Variants in RBFOX1 observed in about 807,000 individuals in gnomAD.
RBFOX1 encodes the protein RNA binding protein fox-1 homolog 1.
In RBFOX1, 8 loss-of-function variants were observed where a neutral mutation model predicts 57.7. The observed-to-expected ratio is 0.14, with a 90% confidence interval of 0.08 to 0.25. The LOEUF is 0.25. Ranked by LOEUF, RBFOX1 falls within the 10% of genes least tolerant of loss-of-function variation. The pLI is 1.00. For missense variants in RBFOX1, 611 were observed against 548.5 expected (o/e 1.11, Z -1.14); for synonymous variants, 326 against 222.4 (o/e 1.47, Z -4.15).
At chr16:7,377,856 C>A (rs2097712848) in intron 4 of RBFOX1, among the ~76,000 whole-genome samples, 1 of 152,008 alleles carries the variant, frequency 6.6e-6, no homozygotes, top group African/African-American at 2.4e-5. Context: ...GTGAAATATG[C>A]CAGGTGATGA....
chr16:6,884,914 CA>C (rs912948953), intron 3 of RBFOX1, among the ~76,000 whole-genome samples: 2 of 152,006 alleles, frequency 1.3e-5, no homozygotes, highest in African/African-American at 4.8e-5. Context: ...ACAAACAAAA[CA>C]AAAAAACCCT....
rs143699393 is a variant in RBFOX1, at chr16:7,027,618, G to C, written c.-15-24439G>C. On this transcript the variant is annotated intron_variant, in intron 3 of 15. Coordinates refer to ENST00000550418, the MANE Select transcript of RBFOX1 (RefSeq NM_018723.4). ...CCCAGCCAGGGAACAAGAATGCATA[G>C]AATTTAATCCCCCAAGCCCAACTTT... is the stretch of plus-strand genomic sequence containing the variant. Among the ~76,000 whole-genome samples, 2 of 152,236 alleles carry C rather than the reference G, an allele frequency of 1.3e-5. 1 individual carries two copies. The highest frequency in any genetic ancestry group is 3.9e-4 in the East Asian group (2 of 5,166).
At chr16:7,554,074 A>C (rs2087502080) in intron 5 of RBFOX1, among the ~76,000 whole-genome samples, 2 of 152,088 alleles carry the variant, frequency 1.3e-5, no homozygotes, top group Admixed American at 6.6e-5. Context: ...GGAACACTGC[A>C]CTCCAGCCTG....
intron 2 of RBFOX1, among the ~76,000 whole-genome samples, chr16:5,572,535 A>G (rs1419578051): frequency 6.6e-6 from 1 of 152,148 alleles, no homozygotes; most frequent in Non-Finnish European, 1.5e-5. Flanking sequence ...TTCCCCAGTC[A>G]TGACAACCAG....
chr16:6,672,764 C>A (rs1270677904), intron 3 of RBFOX1, among the ~76,000 whole-genome samples: 2 of 152,140 alleles, frequency 1.3e-5, no homozygotes, highest in African/African-American at 4.8e-5. Context: ...GTTAGTCATA[C>A]CTTCTACCAA....
At chr16:5,839,835 G>A (rs1296996161) in intron 3 of RBFOX1, among the ~76,000 whole-genome samples, 2 of 152,154 alleles carry the variant, frequency 1.3e-5, no homozygotes, top group African/African-American at 4.8e-5. Context: ...TGCTTTCTGA[G>A]AAGATGCCCT....
intron 3 of RBFOX1, among the ~76,000 whole-genome samples, chr16:5,760,007 TAA>T (rs34698634): frequency 6.3e-5 from 9 of 142,356 alleles, no homozygotes; most frequent in Non-Finnish European, 7.7e-5. Flanking sequence ...CCCACTGGGT[TAA>T]AAAAAAAAAA....
chr16:5,400,382 C>A (rs942489762), intron 1 of RBFOX1, among the ~76,000 whole-genome samples: 7 of 152,098 alleles, frequency 4.6e-5, no homozygotes, highest in Non-Finnish European at 8.8e-5. Context: ...CGTGAGCCAC[C>A]ACACCCGGCC....
chr16:5,420,355 G>A (rs1013960829), intron 1 of RBFOX1, among the ~76,000 whole-genome samples: 17 of 151,434 alleles, frequency 1.1e-4, no homozygotes, highest in East Asian at 2.0e-4. Context: ...AAATAACACC[G>A]AAGGTTTTTA....
intron 3 of RBFOX1, among the ~76,000 whole-genome samples, chr16:6,716,478 A>G (rs1335016912): frequency 6.6e-6 from 1 of 152,130 alleles, no homozygotes; most frequent in Non-Finnish European, 1.5e-5. Context: ...TTTTGGCTAA[A>G]TCTGTTATTA....
chr16:7,441,798 C>A (rs1173693055), intron 4 of RBFOX1, among the ~76,000 whole-genome samples: 1 of 152,298 alleles, frequency 6.6e-6, no homozygotes, highest in Non-Finnish European at 1.5e-5. Flanking sequence ...CAGGTCAACA[C>A]AGACCCTCTT....
intron 1 of RBFOX1, among the ~76,000 whole-genome samples, chr16:5,261,755 T>G (rs56331189): frequency 0.021 from 3,128 of 152,004 alleles, 75 homozygotes; most frequent in East Asian, 0.057. Context: ...TTTCACCGTG[T>G]TAGCCAGGAT....
chr16:5,581,639 G>A (rs1303275053), intron 2 of RBFOX1, among the ~76,000 whole-genome samples: 1 of 152,218 alleles, frequency 6.6e-6, no homozygotes, highest in African/African-American at 2.4e-5. Context: ...TCTGGACTTT[G>A]ACATGAAGGA....
intron 3 of RBFOX1, among the ~76,000 whole-genome samples, chr16:5,854,087 A>G (rs1456065503): frequency 5.3e-5 from 8 of 152,232 alleles, no homozygotes; most frequent in Non-Finnish European, 1.2e-4. Context: ...TTTAAGGTTA[A>G]CAGTATGTTT....
intron 4 of RBFOX1, among the ~76,000 whole-genome samples, chr16:5,995,280 A>G (rs996517714): frequency 4.3e-4 from 65 of 152,228 alleles, no homozygotes; most frequent in Non-Finnish European, 3.2e-4. Flanking sequence ...ACTGCTAAAC[A>G]TAGTTGCACA....
chr16:6,650,985 C>G (rs963700400), intron 2 of RBFOX1, among the ~76,000 whole-genome samples: 1 of 152,200 alleles, frequency 6.6e-6, no homozygotes, highest in Non-Finnish European at 1.5e-5. Flanking sequence ...TTACTGCATC[C>G]TCCGCCTTCC....
chr16:6,837,249 C>G (rs369642035), intron 3 of RBFOX1, among the ~76,000 whole-genome samples: 1 of 152,198 alleles, frequency 6.6e-6, no homozygotes, highest in Non-Finnish European at 1.5e-5. Flanking sequence ...TTGCATATTG[C>G]TCTCTCATCT....
intron 2 of RBFOX1, among the ~76,000 whole-genome samples, chr16:6,429,661 C>T (rs2094022829): frequency 6.6e-6 from 1 of 152,176 alleles, no homozygotes; most frequent in Non-Finnish European, 1.5e-5. Context: ...GCAGTTTCCG[C>T]CCTACTCTTC....
chr16:5,279,386 T>C (rs561318057), intron 1 of RBFOX1, among the ~76,000 whole-genome samples: 2 of 152,206 alleles, frequency 1.3e-5, no homozygotes, highest in Non-Finnish European at 2.9e-5. Flanking sequence ...ATTTCTTCCT[T>C]GATTTCTTTT....
Sources: allele counts gnomAD v4.1 joint callset (sites outside exome capture counted in the v4.1 genomes callset), GRCh38; gene constraint gnomAD v4.1.1; transcripts MANE v1.5; gene names NCBI Gene and HGNC (gene_info 2026-07-23, HGNC 2026-07-21).